The following PCDHA10 variants were observed in gnomAD, a reference collection of about 807,000 sequenced individuals.
PCDHA10 encodes protocadherin alpha-10.
A neutral mutation model predicts 61.2 loss-of-function variants in PCDHA10; 45 were observed. The observed-to-expected ratio is 0.74, with a 90% CI of 0.58 to 0.94. The LOEUF (loss-of-function observed/expected upper bound fraction) is 0.94. Among genes scored for constraint, PCDHA10 ranks in the 40% least tolerant of loss-of-function variants. The pLI is 0.00. For missense variants in PCDHA10, 1,278 were observed against 1,236.2 expected (o/e 1.03, Z -0.51); for synonymous variants, 602 against 548.8 (o/e 1.10, Z -1.35).
At chr5:140,997,329 T>C (rs1030113015) in intron 3 of PCDHA10, among the ~76,000 whole-genome samples, 1 of 152,228 alleles carries the variant, frequency 6.6e-6, no homozygotes, top group African/African-American at 2.4e-5. Context: ...AGTTTTTTCG[T>C]TGTACAAATA....
At chr5:140,994,197 G>A (rs1449482897) in intron 3 of PCDHA10, among the ~76,000 whole-genome samples, 1 of 152,196 alleles carries the variant, frequency 6.6e-6, no homozygotes. Context: ...GGGCCTGTTG[G>A]TCCAGAATGG....
intron 1 of PCDHA10, chr5:140,883,340 C>T (rs2059560429): frequency 6.2e-7 from 1 of 1,614,140 alleles, no homozygotes; most frequent in Non-Finnish European, 8.5e-7. Flanking sequence ...TTTGTCACTC[C>T]CCATCAGAGA....
intron 1 of PCDHA10, among the ~76,000 whole-genome samples, chr5:140,946,629 T>TATATATATATATATATATAC (rs1367833800): frequency 1.4e-4 from 17 of 123,272 alleles, no homozygotes; most frequent in African/African-American, 5.1e-4. Context: ...TATATATATA[T>TATATATATATATATATATAC]ATACAATGGA....
intron 3 of PCDHA10, among the ~76,000 whole-genome samples, chr5:140,992,100 A>G (rs1285742519): frequency 6.6e-6 from 1 of 151,526 alleles, no homozygotes; most frequent in African/African-American, 2.4e-5. Context: ...AAAGAGAATT[A>G]AGGTGAGATG....
chr5:140,998,646 C>A (rs1413467899), intron 3 of PCDHA10, among the ~76,000 whole-genome samples: 1 of 151,870 alleles, frequency 6.6e-6, no homozygotes, highest in Non-Finnish European at 1.5e-5. Context: ...CTCACTGCAA[C>A]CTCTGCCTCC....
chr5:140,960,053 G>A (rs2095524432), intron 1 of PCDHA10, among the ~76,000 whole-genome samples: 3 of 152,156 alleles, frequency 2.0e-5, no homozygotes, highest in Non-Finnish European at 4.4e-5. Flanking sequence ...TTAAAAACAT[G>A]TACAGAAGAT....
At chr5:140,875,561 A>G in intron 1 of PCDHA10, 1 of 1,614,128 alleles carries the variant, frequency 6.2e-7, no homozygotes, top group Non-Finnish European at 8.5e-7. Flanking sequence ...GGGAGCGGCC[A>G]GCTCCACTAC....
At position 140,876,690 on chromosome 5, in the gene PCDHA10, G is replaced by A. The variant is rs73793508; in HGVS notation, c.2388+18254G>A. The A allele has an allele frequency of 1.7e-3, 2,720 of 1,614,174 alleles. 43 individuals are homozygous for A. The African/African-American group carries it at 0.033, about 20-fold the overall frequency. ...TGTCCACCTACAAGAATTACTACTC[G>A]TTGGTGCTGGACAGCGCCCTGGACC... On this transcript the variant is annotated intron_variant, in intron 1 of 3. Transcript: ENST00000307360.
chr5:140,934,706 T>G (rs141577289), intron 1 of PCDHA10, among the ~76,000 whole-genome samples: 348 of 152,292 alleles, frequency 2.3e-3, no homozygotes, highest in African/African-American at 8.1e-3. Context: ...CCTGGCCATC[T>G]TACAAAAAGG....
chr5:140,997,409 A>G (rs1378198322), intron 3 of PCDHA10, among the ~76,000 whole-genome samples: 2 of 152,180 alleles, frequency 1.3e-5, no homozygotes, highest in Non-Finnish European at 1.5e-5. Flanking sequence ...CGTATGGCCT[A>G]TTTCTCCTAG....
chr5:140,932,469 A>T (rs1356318037), intron 1 of PCDHA10, among the ~76,000 whole-genome samples: 12 of 152,030 alleles, frequency 7.9e-5, no homozygotes, highest in African/African-American at 2.4e-4. Context: ...TATATAGGAA[A>T]TAGGATATCT....
At chr5:140,969,249 ACAG>A in intron 1 of PCDHA10, 1 of 1,614,240 alleles carries the variant, frequency 6.2e-7, no homozygotes, top group Non-Finnish European at 8.5e-7. Flanking sequence ...GCAGTGACTG[ACAG>A]CAGGAATCTC....
chr5:140,899,833 G>T (rs2067579431), intron 1 of PCDHA10, among the ~76,000 whole-genome samples: 1 of 152,094 alleles, frequency 6.6e-6, no homozygotes, highest in African/African-American at 2.4e-5. Flanking sequence ...TTTTGAGACA[G>T]GTCTTGCTGT....
rs1291686886 is a variant in PCDHA10, at chr5:140,857,925, A to G, written c.1877A>G (p.Tyr626Cys). Residue 626 changes from tyrosine (Y) to cysteine (C), a missense_variant, in exon 1 of 4, where the codon TAC (tyrosine) becomes TGC (cysteine). Transcript: ENST00000307360. ...GARIPFRVGL[Y>C]TGEISTTRAL... ...CGCATCCCGTTTCGCGTGGGGCTGT[A>G]CACGGGCGAGATCAGTACGACGCGC... is the stretch of plus-strand genomic sequence containing the variant. 1.3e-6 allele frequency: 2 copies of G among 1,597,800 alleles called. No individual in the cohort carries two copies.
intron 1 of PCDHA10, among the ~76,000 whole-genome samples, chr5:140,873,360 T>C (rs1271954811): frequency 6.6e-6 from 1 of 152,170 alleles, no homozygotes; most frequent in African/African-American, 2.4e-5. Flanking sequence ...ATTTTTGGAA[T>C]AACTGAAGAT....
At chr5:140,966,416 A>T in intron 1 of PCDHA10, 1 of 419,730 alleles carries the variant, frequency 2.4e-6, no homozygotes, top group Non-Finnish European at 4.1e-6. Context: ...TCAGAGCAGG[A>T]CTTGCTGAGC....
At chr5:140,953,126 C>T (rs1284922743) in intron 1 of PCDHA10, among the ~76,000 whole-genome samples, 2 of 152,096 alleles carry the variant, frequency 1.3e-5, no homozygotes, top group African/African-American at 2.4e-5. Flanking sequence ...AGATCTAAAC[C>T]GTATCACTGT....
At chr5:140,965,538 A>G (rs1554227750) in intron 1 of PCDHA10, among the ~76,000 whole-genome samples, 1 of 151,958 alleles carries the variant, frequency 6.6e-6, no homozygotes, top group Non-Finnish European at 1.5e-5. Flanking sequence ...TGGAATCCAA[A>G]TTCCAGCCTG....
At chr5:140,859,461 A>G (rs1394799940) in intron 1 of PCDHA10, 1 of 216,144 alleles carries the variant, frequency 4.6e-6, no homozygotes, top group Non-Finnish European at 9.0e-6. Flanking sequence ...TGACAAAACT[A>G]CACTATCAAT....
Sources: gnomAD v4.1 joint callset for allele counts (sites outside exome capture counted in the v4.1 genomes callset) on GRCh38, gnomAD v4.1.1 for gene constraint, MANE v1.5 for transcripts, NCBI Gene and HGNC (gene_info 2026-07-23, HGNC 2026-07-21) for gene names.